Variants in RPS6KA2 observed in about 807,000 individuals in gnomAD.
The protein encoded by RPS6KA2 is ribosomal protein S6 kinase alpha-2.
A neutral mutation model predicts 91.8 loss-of-function variants in RPS6KA2; 42 were observed. The ratio of observed to expected loss-of-function variants is 0.46; its 90% CI spans 0.36 to 0.59. The LOEUF (loss-of-function observed/expected upper bound fraction) is 0.59, where lower values mean the gene tolerates loss of function less well. Ranked by LOEUF, RPS6KA2 falls within the 20% of genes least tolerant of loss-of-function variation. RPS6KA2 has a pLI of 0.00. For synonymous variants in RPS6KA2, 414 were observed against 393.6 expected, an observed-to-expected ratio of 1.05 and a Z score of -0.61; for missense variants, 798 against 978.5, an observed-to-expected ratio of 0.82 and a Z score of 2.46.
At chr6:166,472,101 C>T (rs931552844) in intron 10 of RPS6KA2, among the ~76,000 whole-genome samples, 5 of 152,220 alleles carry the variant, frequency 3.3e-5, no homozygotes, top group African/African-American at 1.2e-4. Context: ...GAAAGACCCT[C>T]CTCTGAAGTG....
intron 2 of RPS6KA2, chr6:166,702,553 A>T (rs1789557016): frequency 1.4e-6 from 2 of 1,433,104 alleles, no homozygotes; most frequent in Admixed American, 3.3e-5. Context: ...ACTATCCAGC[A>T]CCTCCCACTG....
chr6:166,793,071 G>A (rs974733068), intron 2 of RPS6KA2, among the ~76,000 whole-genome samples: 1 of 152,030 alleles, frequency 6.6e-6, no homozygotes, highest in African/African-American at 2.4e-5. Context: ...AATTGTCCCT[G>A]TTTGCAGATG....
chr6:166,800,834 C>T (rs1779348954), intron 2 of RPS6KA2, among the ~76,000 whole-genome samples: 2 of 152,158 alleles, frequency 1.3e-5, no homozygotes, highest in African/African-American at 4.8e-5. Flanking sequence ...TCATGGCAGG[C>T]ACTGGAAATA....
At chr6:166,420,271 C>A (rs1048008796) in intron 17 of RPS6KA2, among the ~76,000 whole-genome samples, 15 of 152,124 alleles carry the variant, frequency 9.9e-5, no homozygotes, top group African/African-American at 3.4e-4. Context: ...ATAAAATTGA[C>A]CATCAAAGCC....
intron 2 of RPS6KA2, among the ~76,000 whole-genome samples, chr6:166,653,353 G>A (rs920777150): frequency 6.6e-6 from 1 of 152,218 alleles, no homozygotes; most frequent in Admixed American, 6.5e-5. Flanking sequence ...GAGCCGCCCT[G>A]CCTGGCCCTA....
Position 166,605,205 on chromosome 6 carries a change from T to C in RPS6KA2, c.99+21716A>G, listed in dbSNP as rs763066437. ...GCCTTGGGTGTTGCCAGTAGATCCA[T>C]GTTCATTTTATCAACGACATTCTAC... On this transcript the variant is annotated intron_variant, in intron 1 of 20. Coordinates refer to ENST00000265678, the MANE Select transcript of RPS6KA2 (RefSeq NM_021135.6). Among the ~76,000 whole-genome samples the C allele has an allele frequency of 2.6e-5, 4 of 152,356 alleles. No individual in the cohort carries two copies. In the South Asian group the frequency reaches 6.2e-4, roughly 24 times the overall value.
chr6:166,532,191 A>C (rs1188704815), intron 2 of RPS6KA2, among the ~76,000 whole-genome samples: 1 of 152,236 alleles, frequency 6.6e-6, no homozygotes, highest in South Asian at 2.1e-4. Context: ...CAGAAAGACC[A>C]GCCACTATAG....
intron 1 of RPS6KA2, among the ~76,000 whole-genome samples, chr6:166,623,067 G>A (rs574697872): frequency 6.6e-6 from 1 of 152,202 alleles, no homozygotes; most frequent in Non-Finnish European, 1.5e-5. Context: ...GTAGAGTCTC[G>A]CATTTTGTCT....
At chr6:166,835,542 C>A (rs1161666022) in intron 2 of RPS6KA2, among the ~76,000 whole-genome samples, 1 of 152,158 alleles carries the variant, frequency 6.6e-6, no homozygotes, top group Non-Finnish European at 1.5e-5. Flanking sequence ...ATTTCAATTT[C>A]TCATTTTTGT....
At chr6:166,576,361 G>A (rs116893114) in intron 1 of RPS6KA2, among the ~76,000 whole-genome samples, 146 of 152,352 alleles carry the variant, frequency 9.6e-4, no homozygotes, top group Non-Finnish European at 1.4e-3. Flanking sequence ...CAGTCTGAAG[G>A]GCTCAGAAGA....
chr6:166,764,933 G>A (rs575730290), intron 2 of RPS6KA2, among the ~76,000 whole-genome samples: 1 of 152,246 alleles, frequency 6.6e-6, no homozygotes, highest in South Asian at 2.1e-4. Context: ...CAGCCTTGAC[G>A]TTATCTCTAC....
chr6:166,805,063 G>T (rs759807224), intron 2 of RPS6KA2, among the ~76,000 whole-genome samples: 1 of 152,150 alleles, frequency 6.6e-6, no homozygotes. Context: ...GACAACAATT[G>T]CAATAGAGTA....
intron 12 of RPS6KA2, among the ~76,000 whole-genome samples, chr6:166,455,503 A>G (rs1583158459): frequency 6.6e-6 from 1 of 152,016 alleles, no homozygotes; most frequent in African/African-American, 2.4e-5. Context: ...CTTCACAGTC[A>G]CCCCAGGTAG....
Position 166,423,394 on chromosome 6 carries a change from C to G in RPS6KA2, c.1605G>C (p.Pro535=). The G allele has an allele frequency of 6.2e-7, 1 of 1,611,426 alleles. No individual in the cohort carries two copies. Among genetic ancestry groups the G allele is most frequent in the Non-Finnish European group, 8.5e-7 (1 of 1,177,820 alleles). The stretch of plus-strand genomic sequence containing the variant: ...ACTCATCCCTGTACAGGATGTTACT[C>G]GGCTTCAGGTCTCGATGAACAACCT... ...SQGVVHRDLK[P]SNILYRDESG... The change falls in exon 17 of 21, where the codon CCG becomes CCC. Residue 535 remains proline (P), a synonymous_variant. Coordinates refer to ENST00000265678, the MANE Select transcript of RPS6KA2 (RefSeq NM_021135.6). This position sits in a 1 kb window ranked among gnomAD's most constrained non-coding sequence, Gnocchi z 4.8.
chr6:166,566,174 G>A lies in RPS6KA2; in HGVS notation c.100-27390C>T, dbSNP rs779185826. Among the ~76,000 whole-genome samples the A allele has an allele frequency of 3.5e-4, 54 of 152,358 alleles. 2 individuals carry two copies. Among genetic ancestry groups the A allele is most frequent in the South Asian group, 2.1e-4 (1 of 4,832 alleles). On this transcript the variant is annotated intron_variant, in intron 1 of 20. Coordinates refer to ENST00000265678, the MANE Select transcript of RPS6KA2 (RefSeq NM_021135.6). ...AGACCTACTCCCGGGCTCCTGGGAC[G>A]TGATGGCCTTGGCTGGGCGCAGGCT... is the stretch of plus-strand genomic sequence containing the variant.
intron 3 of RPS6KA2, among the ~76,000 whole-genome samples, chr6:166,517,524 G>A (rs1033414757): frequency 2.2e-5 from 3 of 138,726 alleles, no homozygotes; most frequent in Non-Finnish European, 4.5e-5. Flanking sequence ...GCCGGACTGC[G>A]GACTGCAGTG....
chr6:166,679,619 C>T (rs778074248), intron 2 of RPS6KA2, among the ~76,000 whole-genome samples: 1 of 152,230 alleles, frequency 6.6e-6, no homozygotes, highest in Non-Finnish European at 1.5e-5. Flanking sequence ...GGCTCGCTCT[C>T]GGCACCTCCT....
chr6:166,448,586 A>G lies in RPS6KA2; in HGVS notation c.1332+138T>C, dbSNP rs1779751300. On this transcript the variant is annotated intron_variant, in intron 14 of 20. Coordinates refer to ENST00000265678, the MANE Select transcript of RPS6KA2 (RefSeq NM_021135.6). The surrounding 1 kb of genome is among the most constrained non-coding windows in gnomAD (Gnocchi z 4.7). ...CTGTGCTCCTATGCTCCGTGCTCCC[A>G]TGTGCTGTACATGCTCCCACACGCT... 3.6e-6 allele frequency: 4 copies of G among 1,099,002 alleles called. No homozygotes were observed. In the Admixed American group the frequency reaches 9.7e-5, roughly 27 times the overall value. 68.1% of individuals were successfully genotyped at this position (1,099,002 alleles called of 1,614,324 possible).
intron 2 of RPS6KA2, among the ~76,000 whole-genome samples, chr6:166,820,676 C>T (rs1318011304): frequency 6.6e-6 from 1 of 152,068 alleles, no homozygotes; most frequent in Admixed American, 6.6e-5. Context: ...CCCATAATTC[C>T]AATAAAAGCT....
Sources: gnomAD v4.1 joint callset for allele counts (sites outside exome capture counted in the v4.1 genomes callset) on GRCh38, gnomAD v4.1.1 for gene constraint, Gnocchi (gnomAD v3.1) non-coding constraint, MANE v1.5 for transcripts, NCBI Gene and HGNC (gene_info 2026-07-23, HGNC 2026-07-21) for gene names.